IDH2: variants seen among roughly 807,000 people sequenced by gnomAD.
The protein encoded by IDH2 is isocitrate dehydrogenase [NADP], mitochondrial.
IDH2 carries 18 observed loss-of-function variants against 50.5 expected under a neutral mutation model. The ratio of observed to expected loss-of-function variants is 0.36; its 90% CI spans 0.25 to 0.53. The LOEUF is 0.53. Among genes scored for constraint, IDH2 ranks in the 20% least tolerant of loss-of-function variants. The probability of loss-of-function intolerance (pLI) is 0.92; values close to 1 mark genes in which losing one functional copy is unlikely to be tolerated. For synonymous variants in IDH2, 280 were observed against 239.8 expected, an observed-to-expected ratio of 1.17 and a Z score of -1.55; for missense variants, 518 against 610.7, an observed-to-expected ratio of 0.85 and a Z score of 1.60.
At chr15:90,090,395 C>A in intron 3 of IDH2, 84 bp downstream of exon 3, 1 of 1,472,464 alleles carries the variant, frequency 6.8e-7, no homozygotes, top group African/African-American at 1.4e-5. Context: ...AGTGACATGG[C>A]CAACTGCCCC....
intron 1 of IDH2, among the ~76,000 whole-genome samples, chr15:90,094,017 T>G (rs1170802567): frequency 1.3e-5 from 2 of 152,120 alleles, no homozygotes; most frequent in Non-Finnish European, 2.9e-5. Context: ...TCACGAGGAC[T>G]CTGACCCTAT....
chr15:90,090,463 C>G lies in IDH2; in HGVS notation c.373+16G>C. 1 of 1,612,480 alleles carries G rather than the reference C, an allele frequency of 6.2e-7. No individual in the cohort carries two copies. On this transcript the variant is annotated intron_variant, in intron 3 of 10. Coordinates refer to ENST00000330062, the MANE Select transcript of IDH2 (RefSeq NM_002168.4). ...CTGTGACCCTCCCTGGCCCGCCCAC[C>G]TCCACACCCTCGCACCTTCCACACG...
At chr15:90,091,453 G>A (rs995128991) in intron 2 of IDH2, 100 bp downstream of exon 2, 2 of 176,410 alleles carry the variant, frequency 1.1e-5, no homozygotes, top group Non-Finnish European at 2.4e-5. Context: ...CCAGGACAAC[G>A]GGGGGGTCCT....
At chr15:90,093,245 G>C (rs1901091091) in intron 1 of IDH2, among the ~76,000 whole-genome samples, 1 of 152,172 alleles carries the variant, frequency 6.6e-6, no homozygotes, top group Non-Finnish European at 1.5e-5. Context: ...CCCAAGCCAG[G>C]CTCAGACTCC....
At position 90,084,948 on chromosome 15, in the gene IDH2, G is replaced by A. The variant is rs760087240; in HGVS notation, c.1179-40C>T. The A allele has an allele frequency of 1.2e-6, 2 of 1,611,626 alleles. No individual in the cohort carries two copies. The highest frequency in any genetic ancestry group is 1.1e-5 in the South Asian group (1 of 91,044). ...CAGAATGAGACCCCATCTGTGCAAG[G>A]GCAGGACCCAGAGCCTGTCCTGGGC... On this transcript the variant is annotated intron_variant, in intron 9 of 10. Coordinates refer to ENST00000330062, the MANE Select transcript of IDH2 (RefSeq NM_002168.4). This position sits in a 1 kb window ranked among gnomAD's most constrained non-coding sequence, Gnocchi z 5.0.
intron 4 of IDH2, 35 bp from the exon 5 acceptor site, chr15:90,088,537 C>T (rs763132534): frequency 2.5e-6 from 4 of 1,614,240 alleles, no homozygotes; most frequent in Non-Finnish European, 3.4e-6. Flanking sequence ...GCGAGGAGCT[C>T]CAGTCGGGGG....
At position 90,090,721 on chromosome 15, in the gene IDH2, T is replaced by G. The variant is rs1901013225; in HGVS notation, c.208-77A>C. 2.0e-6 allele frequency: 3 copies of G among 1,466,914 alleles called. No individual in the cohort carries two copies. The African/African-American group carries it at 4.2e-5, about 20-fold the overall frequency. The allele number at this position is 1,466,914 out of a possible 1,614,324, so 90.9% of individuals were successfully genotyped here. ...ACAACAAAGGGCAGGATAAGAAGTC[T>G]GCAGGCCATGGCAGGGGACAGTCAG... On this transcript the variant is annotated intron_variant, in intron 2 of 10. Coordinates refer to ENST00000330062, the MANE Select transcript of IDH2 (RefSeq NM_002168.4).
chr15:90,088,747 T>G lies in IDH2; in HGVS notation c.374A>C (p.Glu125Ala). The stretch of plus-strand genomic sequence containing the variant: ...TTTCCACATCTTCTTCAGCTTGAAC[T>G]CTGTGAGGACAGAGATAATAGTGGT... ...TITPDEARVE[E>A]FKLKKMWKSP... Residue 125 changes from glutamate to alanine, a missense_variant and splice_region_variant, in exon 4 of 11, where the codon GAG (glutamate) becomes GCG (alanine). Coordinates refer to ENST00000330062, the MANE Select transcript of IDH2 (RefSeq NM_002168.4). The G allele has an allele frequency of 6.2e-7, 1 of 1,614,022 alleles. No individual in the cohort carries two copies. Among genetic ancestry groups the G allele is most frequent in the Non-Finnish European group, 8.5e-7 (1 of 1,179,994 alleles).
chr15:90,091,546 G>T lies in IDH2; in HGVS notation c.207+7C>A. On this transcript the variant is annotated splice_region_variant and intron_variant, in intron 2 of 10. Transcript: ENST00000330062. The stretch of plus-strand genomic sequence containing the variant: ...GGAGAGCCACCCACTTCAGGAGGGG[G>T]CACTACCTTCTCCTTGATGAACTGC... 6.2e-7 allele frequency: 1 copy of T among 1,611,008 alleles called. No homozygotes were observed. The highest frequency in any genetic ancestry group is 1.1e-5 in the South Asian group (1 of 91,004).
chr15:90,085,812 T>C lies in IDH2; in HGVS notation c.968-425A>G, dbSNP rs1900845652. On this transcript the variant is annotated intron_variant, in intron 7 of 10. Coordinates refer to ENST00000330062, the MANE Select transcript of IDH2 (RefSeq NM_002168.4). The surrounding 1 kb of genome is among the most constrained non-coding windows in gnomAD (Gnocchi z 5.5). ...ACAATCACTTTTGCAGCTACTCTCTTAGGCCACTTTCAAGCTTTTTGATTA... is the reference window on the plus strand; with the variant it reads ...ACAATCACTTTTGCAGCTACTCTCTCAGGCCACTTTCAAGCTTTTTGATTA... Among the ~76,000 whole-genome samples the C allele has an allele frequency of 6.6e-6, 1 of 152,216 alleles. No individual in the cohort carries two copies. Among genetic ancestry groups the C allele is most frequent in the African/African-American group, 2.4e-5 (1 of 41,458 alleles).
In IDH2 at chr15:90,084,299, C is replaced by G; in HGVS notation, c.1326G>C (p.Lys442Asn). 6 of 1,614,100 alleles carry G rather than the reference C, an allele frequency of 3.7e-6. No individual in the cohort carries two copies. Among genetic ancestry groups the G allele is most frequent in the Non-Finnish European group, 5.1e-6 (6 of 1,180,010 alleles). The change falls in exon 11 of 11, where the codon AAG becomes AAC. Residue 442 changes from lysine (K) to asparagine (N), a missense_variant. By Grantham distance (94) the Lys-to-Asn change is moderately conservative (BLOSUM62 0). Around this residue, in one of 5 missense-constraint regions of IDH2, gnomAD observed 135 missense variants for 167.6 expected, o/e 0.81. Coordinates refer to ENST00000330062, the MANE Select transcript of IDH2 (RefSeq NM_002168.4). This position sits in a 1 kb window ranked among gnomAD's most constrained non-coding sequence, Gnocchi z 5.0. The stretch of plus-strand genomic sequence containing the variant: ...TGCCCAGGGCTCTGTCCAGGTTGCT[C>G]TTGATGGTGTCGAGGAAGTCCGTGG... ...LNTTDFLDTIKSNLDRALGRQ is the reference protein window; with the variant it reads ...LNTTDFLDTINSNLDRALGRQ
intron 6 of IDH2, 46 bp downstream of exon 6, chr15:90,087,393 G>T (rs1900887719): frequency 1.2e-6 from 2 of 1,613,302 alleles, no homozygotes; most frequent in Non-Finnish European, 8.5e-7. Context: ...GGAACAGCAT[G>T]GGGGGAAGGG....
Position 90,084,262 on chromosome 15 carries a change from C to T in IDH2, c.*4G>A, listed in dbSNP as rs200094442. ...TCCACTGCAGCCATGGGTGGCGCCT[C>T]CCCCTACTGCCTGCCCAGGGCTCTG... is the stretch of plus-strand genomic sequence containing the variant. On this transcript the variant is annotated 3_prime_UTR_variant, in exon 11 of 11. Transcript: ENST00000330062. This position sits in a 1 kb window ranked among gnomAD's most constrained non-coding sequence, Gnocchi z 5.0. The T allele has an allele frequency of 6.2e-7, 1 of 1,613,194 alleles. No individual in the cohort carries two copies. The highest frequency in any genetic ancestry group is 8.5e-7 in the Non-Finnish European group (1 of 1,179,632).
At chr15:90,090,319 C>T (rs1900999296) in intron 3 of IDH2, among the ~76,000 whole-genome samples, 160 bp downstream of exon 3, 2 of 152,232 alleles carry the variant, frequency 1.3e-5, no homozygotes, top group Admixed American at 1.3e-4. Flanking sequence ...GGAGACTGGC[C>T]TCAGGTGCAG....
chr15:90,092,435 C>T (rs55846505), intron 1 of IDH2, among the ~76,000 whole-genome samples: 5,722 of 149,814 alleles, frequency 0.038, 129 homozygotes, highest in Middle Eastern at 0.062. Flanking sequence ...TGGCAGGGTC[C>T]TGTTCCATTG....
intron 3 of IDH2, among the ~76,000 whole-genome samples, chr15:90,088,996 C>T (rs948802557): frequency 6.9e-6 from 1 of 145,744 alleles, no homozygotes; most frequent in Non-Finnish European, 1.5e-5. Flanking sequence ...CTCACCACAA[C>T]CTCTGCCTCC....
At chr15:90,095,670 C>T (rs545632026) in intron 1 of IDH2, among the ~76,000 whole-genome samples, 45 of 152,236 alleles carry the variant, frequency 3.0e-4, no homozygotes, top group Admixed American at 2.6e-3. Context: ...ATTTACTCAC[C>T]GGCAGGTGCT....
chr15:90,084,574 G>C lies in IDH2; in HGVS notation c.1272-221C>G, dbSNP rs1051347349. Among the ~76,000 whole-genome samples the C allele has an allele frequency of 6.6e-6, 1 of 152,184 alleles. No individual in the cohort carries two copies. The highest frequency in any genetic ancestry group is 6.5e-5 in the Admixed American group (1 of 15,286). On this transcript the variant is annotated intron_variant, in intron 10 of 10. Transcript: ENST00000330062. The surrounding 1 kb of genome is among the most constrained non-coding windows in gnomAD (Gnocchi z 5.0). Reference sequence around the variant, plus strand: ...TTGCCAGGTAACTGCTCTCCTGAGAGAAGCTGGGAAAGGGGTGTGGGCAGG... The same window carrying C: ...TTGCCAGGTAACTGCTCTCCTGAGACAAGCTGGGAAAGGGGTGTGGGCAGG...
rs201015211 is a variant in IDH2 at position 90,084,266 on chromosome 15, C to T, written c.1359G>A (p.Ter453=). ...CTGCAGCCATGGGTGGCGCCTCCCC[C>T]TACTGCCTGCCCAGGGCTCTGTCCA... ...SNLDRALGRQ[*] Residue 453 remains the stop codon, a stop_retained_variant, in exon 11 of 11, where the codon TAG becomes TAA. Transcript: ENST00000330062. The surrounding 1 kb of genome is among the most constrained non-coding windows in gnomAD (Gnocchi z 5.0). 3.3e-5 allele frequency: 54 copies of T among 1,613,662 alleles called. No homozygotes were observed. The highest frequency in any genetic ancestry group is 4.6e-5 in the Non-Finnish European group (54 of 1,179,934).
Sources: gnomAD v4.1 joint callset for allele counts (sites outside exome capture counted in the v4.1 genomes callset) on GRCh38, gnomAD v4.1.1 for gene constraint, gnomAD v4.1.1 regional missense constraint, Gnocchi (gnomAD v3.1) non-coding constraint, MANE v1.5 for transcripts, NCBI Gene and HGNC (gene_info 2026-07-23, HGNC 2026-07-21) for gene names.